The following DGLUCY variants were observed in gnomAD, a reference collection of about 807,000 sequenced individuals.
The protein encoded by DGLUCY is D-glutamate cyclase.
A neutral mutation model predicts 58.5 loss-of-function variants in DGLUCY; 58 were observed. The ratio of observed to expected loss-of-function variants is 0.99; its 90% CI spans 0.80 to 1.23. The LOEUF (loss-of-function observed/expected upper bound fraction) is 1.23. Ranked by LOEUF, DGLUCY falls within the 50% of genes most tolerant of loss-of-function variation. DGLUCY has a pLI of 0.00. For missense variants in DGLUCY, 779 were observed against 784.7 expected (o/e 0.99, Z 0.09); for synonymous variants, 325 against 314.1 (o/e 1.03, Z -0.37).
rs570716763 is a variant in DGLUCY at position 91,166,665 on chromosome 14, A to G, written c.104-560A>G. On this transcript the variant is annotated intron_variant, in intron 3 of 13. Transcript: ENST00000256324. ...GGGTGACAAAGCGAGACTCTGTCTC[A>G]AAAAAAAAAAAATTACATTAGAAGT... Among the ~76,000 whole-genome samples, 8 of 135,382 alleles carry G rather than the reference A, an allele frequency of 5.9e-5. No homozygotes were observed. In the South Asian group the frequency reaches 1.8e-3, roughly 30 times the overall value. The allele number at this position is 135,382 out of a possible 152,430, so 88.8% of individuals were successfully genotyped here. A position where few individuals can be genotyped will look rare whatever the true frequency, so the allele number is the denominator to read the frequency against.
At chr14:91,223,653 C>T in intron 13 of DGLUCY, 1 of 1,278,672 alleles carries the variant, frequency 7.8e-7, no homozygotes, top group East Asian at 5.6e-5. Context: ...GAGGATCAAA[C>T]CACTTTTTTT....
At chr14:91,092,728 T>C (rs1377959596) in intron 1 of DGLUCY, among the ~76,000 whole-genome samples, 2 of 152,172 alleles carry the variant, frequency 1.3e-5, no homozygotes, top group Non-Finnish European at 2.9e-5. Context: ...CAATTCAACA[T>C]AATCCTTGCA....
At chr14:91,214,065 C>T (rs1412387613) in intron 12 of DGLUCY, among the ~76,000 whole-genome samples, 1 of 151,160 alleles carries the variant, frequency 6.6e-6, no homozygotes, top group African/African-American at 2.4e-5. Context: ...GGAATTGCTC[C>T]CATTCCTCCA....
intron 13 of DGLUCY, among the ~76,000 whole-genome samples, chr14:91,217,658 T>C (rs1199543890): frequency 4.6e-5 from 7 of 150,860 alleles, no homozygotes; most frequent in South Asian, 4.1e-4. Flanking sequence ...CTAATTTTTT[T>C]TGTATTTTTA....
intron 2 of DGLUCY, chr14:91,158,712 C>G (rs1416233752): frequency 6.6e-6 from 1 of 152,186 alleles, no homozygotes; most frequent in Non-Finnish European, 1.5e-5. Context: ...GAACTCCCAC[C>G]TTTGTGCCAC....
chr14:91,220,916 G>C, intron 13 of DGLUCY: 1 of 349,340 alleles, frequency 2.9e-6, no homozygotes, highest in South Asian at 2.1e-5. Context: ...TGATGCCTGG[G>C]CAGGAAAGAG....
intron 1 of DGLUCY, among the ~76,000 whole-genome samples, chr14:91,152,785 T>C (rs1330354912): frequency 1.3e-5 from 2 of 152,168 alleles, no homozygotes; most frequent in African/African-American, 2.4e-5. Flanking sequence ...AAACCAAAAA[T>C]GGAGTTTTGT....
intron 1 of DGLUCY, among the ~76,000 whole-genome samples, chr14:91,149,991 C>T (rs1211988548): frequency 2.0e-5 from 3 of 151,916 alleles, no homozygotes; most frequent in Non-Finnish European, 2.9e-5. Context: ...GTGGCCGAGG[C>T]GGGCGTATCA....
chr14:91,164,300 T>C (rs1021037740), intron 3 of DGLUCY, among the ~76,000 whole-genome samples: 13 of 152,130 alleles, frequency 8.5e-5, no homozygotes, highest in African/African-American at 2.4e-4. Context: ...TTTTAGAATA[T>C]TGAGAAAAGC....
At chr14:91,107,575 A>C (rs2044614143), upstream of DGLUCY, among the ~76,000 whole-genome samples, 1 of 152,190 alleles carries the variant, frequency 6.6e-6, no homozygotes, top group Admixed American at 6.5e-5. Context: ...TTGAGATTGC[A>C]GCTAAGAGTG....
intron 1 of DGLUCY, among the ~76,000 whole-genome samples, chr14:91,062,892 C>T (rs181762653): frequency 6.6e-6 from 1 of 151,998 alleles, no homozygotes; most frequent in Non-Finnish European, 1.5e-5. Flanking sequence ...TTTGTTCACT[C>T]GAAAACTTTT....
intron 12 of DGLUCY, among the ~76,000 whole-genome samples, chr14:91,209,766 A>G (rs1286755658): frequency 6.6e-6 from 1 of 152,160 alleles, no homozygotes; most frequent in Non-Finnish European, 1.5e-5. Context: ...TGAGCTATAT[A>G]TTGTCTGCAA....
intron 12 of DGLUCY, among the ~76,000 whole-genome samples, chr14:91,208,259 C>G (rs1885084900): frequency 6.6e-6 from 1 of 152,030 alleles, no homozygotes. Context: ...CTGTCAGAGA[C>G]TTGAATCTAC....
intron 12 of DGLUCY, among the ~76,000 whole-genome samples, chr14:91,212,254 C>G (rs1440899263): frequency 6.6e-6 from 1 of 152,180 alleles, no homozygotes; most frequent in Non-Finnish European, 1.5e-5. Flanking sequence ...TACCTATAAC[C>G]CTAACACTTT....
At chr14:91,080,591 G>A (rs545466671) in intron 1 of DGLUCY, among the ~76,000 whole-genome samples, 1 of 152,164 alleles carries the variant, frequency 6.6e-6, no homozygotes, top group African/African-American at 2.4e-5. Context: ...GGCTGTTCTC[G>A]AACTCCTGAT....
intron 1 of DGLUCY, among the ~76,000 whole-genome samples, chr14:91,137,885 G>A (rs1182019109): frequency 6.6e-6 from 1 of 151,992 alleles, no homozygotes; most frequent in African/African-American, 2.4e-5. Context: ...ACAGGAAAAG[G>A]TCAGTAACAT....
At chr14:91,182,355 A>G (rs1005304694) in intron 8 of DGLUCY, among the ~76,000 whole-genome samples, 1 of 152,204 alleles carries the variant, frequency 6.6e-6, no homozygotes, top group Non-Finnish European at 1.5e-5. Flanking sequence ...TTTGCTGGGC[A>G]TGTTGCCAGC....
At chr14:91,108,277 A>G (rs11159993) in intron 1 of DGLUCY, among the ~76,000 whole-genome samples, 135,544 of 151,922 alleles carry the variant, frequency 0.89, 61,459 homozygotes, top group East Asian at 1. Context: ...TGGGTTCATC[A>G]TGGAATTTTT....
chr14:91,221,378 T>C (rs777956386), intron 13 of DGLUCY, among the ~76,000 whole-genome samples: 2 of 152,032 alleles, frequency 1.3e-5, no homozygotes, highest in Admixed American at 6.6e-5. Flanking sequence ...GATGCATGGA[T>C]GGATGGATAG....
Sources: gnomAD v4.1 joint callset for allele counts (sites outside exome capture counted in the v4.1 genomes callset) on GRCh38, gnomAD v4.1.1 for gene constraint, MANE v1.5 for transcripts, NCBI Gene and HGNC (gene_info 2026-07-23, HGNC 2026-07-21) for gene names.